Variants in LRMDA observed in about 807,000 individuals in gnomAD.
The protein encoded by LRMDA is leucine-rich melanocyte differentiation-associated protein.
In LRMDA, 18 loss-of-function variants were observed where a neutral mutation model predicts 29.8. The ratio of observed to expected loss-of-function variants is 0.60; its 90% CI spans 0.42 to 0.90. The LOEUF is 0.90. Ranked by LOEUF, LRMDA falls within the 40% of genes least tolerant of loss-of-function variation. LRMDA has a pLI of 0.00. For missense variants in LRMDA, 273 were observed against 273.9 expected (o/e 1.00, Z 0.02); for synonymous variants, 125 against 109.4 (o/e 1.14, Z -0.89).
intron 2 of LRMDA, among the ~76,000 whole-genome samples, chr10:75,632,857 C>A (rs766153025): frequency 6.6e-4 from 95 of 143,068 alleles, no homozygotes; most frequent in Non-Finnish European, 1.2e-3. Context: ...CCACGTCTGC[C>A]CCAAGATGTC....
rs971541808 is a variant in LRMDA, at chr10:76,558,525, A to C, written c.*1237A>C. 34 of 152,218 alleles carry C rather than the reference A, an allele frequency of 2.2e-4. No individual in the cohort carries two copies. The highest frequency in any genetic ancestry group is 2.1e-3 in the Admixed American group (32 of 15,282). The allele number at this position is 152,218 out of a possible 1,614,324, so 9.4% of individuals were successfully genotyped here. On this transcript the variant is annotated 3_prime_UTR_variant, in exon 7 of 7. Coordinates refer to ENST00000611255, the MANE Select transcript of LRMDA (RefSeq NM_001305581.2). ...TGCACCAGTCAAATCACTCTAGAAG[A>C]TGTTCAAAAGGTTGATTGATTGTTC... is the stretch of plus-strand genomic sequence containing the variant.
At chr10:75,889,466 T>C (rs877531) in intron 2 of LRMDA, among the ~76,000 whole-genome samples, 41,691 of 152,106 alleles carry the variant, frequency 0.27, 6,962 homozygotes, top group African/African-American at 0.47. Context: ...CTTGCTTTCT[T>C]CTGGTGTTAG....
At chr10:75,673,675 G>C (rs958467181) in intron 2 of LRMDA, among the ~76,000 whole-genome samples, 1 of 152,160 alleles carries the variant, frequency 6.6e-6, no homozygotes, top group Non-Finnish European at 1.5e-5. Flanking sequence ...TCACAAAAGG[G>C]TAACAAATTG....
At chr10:76,035,901 A>C (rs2132506681) in intron 2 of LRMDA, 107 bp from the exon 3 acceptor site, 16 of 1,154,540 alleles carry the variant, frequency 1.4e-5, no homozygotes, top group South Asian at 3.4e-5. Context: ...CACCAAGCCC[A>C]AACTATTCCC....
At chr10:76,189,304 C>T (rs999770777) in intron 5 of LRMDA, among the ~76,000 whole-genome samples, 1 of 152,028 alleles carries the variant, frequency 6.6e-6, no homozygotes, top group Admixed American at 6.6e-5. Context: ...TTTCAGTGAG[C>T]TAAGATTGTG....
At chr10:75,572,711 A>G (rs1589189623) in intron 2 of LRMDA, among the ~76,000 whole-genome samples, 1 of 152,294 alleles carries the variant, frequency 6.6e-6, no homozygotes, top group East Asian at 1.9e-4. Flanking sequence ...TTCTCTGAAC[A>G]CTTTGAAGAT....
At chr10:76,347,267 T>A (rs184889279) in intron 6 of LRMDA, among the ~76,000 whole-genome samples, 102 of 152,322 alleles carry the variant, frequency 6.7e-4, no homozygotes, top group African/African-American at 2.3e-3. Context: ...ATCCTAAAAA[T>A]ATTGCTTAAA....
chr10:75,996,357 T>C (rs1016003074), intron 2 of LRMDA, among the ~76,000 whole-genome samples: 10 of 152,208 alleles, frequency 6.6e-5, no homozygotes, highest in African/African-American at 2.4e-4. Context: ...TCGTTGCTTT[T>C]GGTGAGGAGG....
intron 2 of LRMDA, among the ~76,000 whole-genome samples, chr10:75,475,642 T>G (rs1844782042): frequency 6.6e-6 from 1 of 152,218 alleles, no homozygotes. Flanking sequence ...TAAACCTTTC[T>G]CCTATAATAG....
intron 6 of LRMDA, among the ~76,000 whole-genome samples, chr10:76,426,650 TG>T (rs1364596369): frequency 1.3e-5 from 2 of 152,234 alleles, no homozygotes; most frequent in African/African-American, 2.4e-5. Context: ...CCATTGCTTT[TG>T]GTGTTTTAGA....
At chr10:75,810,693 G>A (rs868238304) in intron 2 of LRMDA, among the ~76,000 whole-genome samples, 2 of 152,208 alleles carry the variant, frequency 1.3e-5, no homozygotes, top group Middle Eastern at 3.2e-3. Flanking sequence ...GGTGGTGGCA[G>A]CTATGAGAGA....
chr10:76,117,058 T>C (rs1004447309), intron 5 of LRMDA, among the ~76,000 whole-genome samples: 3 of 152,122 alleles, frequency 2.0e-5, no homozygotes, highest in African/African-American at 7.2e-5. Flanking sequence ...ATCTGCTTGA[T>C]CTCTAATGCA....
chr10:76,112,983 CAG>C (rs1349614749), intron 5 of LRMDA, among the ~76,000 whole-genome samples: 1 of 152,214 alleles, frequency 6.6e-6, no homozygotes, highest in Non-Finnish European at 1.5e-5. Flanking sequence ...TAAGTCTTCA[CAG>C]AACACTGGTA....
chr10:75,620,467 A>G (rs750213266), intron 2 of LRMDA, among the ~76,000 whole-genome samples: 49 of 152,164 alleles, frequency 3.2e-4, no homozygotes, highest in Non-Finnish European at 5.3e-4. Context: ...CTTCTACAGC[A>G]GTCATTTTAG....
At chr10:75,551,044 T>C (rs1840136435) in intron 2 of LRMDA, among the ~76,000 whole-genome samples, 1 of 152,020 alleles carries the variant, frequency 6.6e-6, no homozygotes, top group Non-Finnish European at 1.5e-5. Context: ...AATTATCTTT[T>C]TTTTTTAACC....
chr10:75,691,130 A>C lies in LRMDA; in HGVS notation c.131+252636A>C, dbSNP rs538495494. The stretch of plus-strand genomic sequence containing the variant: ...TAGATCTATATATCTATATACATAG[A>C]TATATAGATCTATATATCTATATAC... On this transcript the variant is annotated intron_variant, in intron 2 of 6. Coordinates refer to ENST00000611255, the MANE Select transcript of LRMDA (RefSeq NM_001305581.2). Among the ~76,000 whole-genome samples, 31 of 102,954 alleles carry C rather than the reference A, an allele frequency of 3.0e-4. No homozygotes were observed. In the East Asian group the frequency reaches 4.7e-3, roughly 16 times the overall value. 67.5% of individuals were successfully genotyped at this position (102,954 alleles called of 152,430 possible).
chr10:76,313,250 T>G (rs887630827), intron 5 of LRMDA, among the ~76,000 whole-genome samples: 2 of 152,222 alleles, frequency 1.3e-5, no homozygotes, highest in African/African-American at 4.8e-5. Flanking sequence ...TTGTGAAGAT[T>G]GAATAAATCA....
intron 2 of LRMDA, among the ~76,000 whole-genome samples, chr10:75,735,704 C>G (rs962601514): frequency 6.6e-6 from 1 of 152,172 alleles, no homozygotes. Flanking sequence ...TGTTCCCACT[C>G]AAGCCTTGGG....
At chr10:76,403,136 A>ATAG (rs1841866854) in intron 6 of LRMDA, 1 of 151,610 alleles carries the variant, frequency 6.6e-6, no homozygotes, top group Non-Finnish European at 1.5e-5. Flanking sequence ...AATCTCTCCT[A>ATAG]TAGTCTCCTG....
Sources: allele counts gnomAD v4.1 joint callset (sites outside exome capture counted in the v4.1 genomes callset), GRCh38; gene constraint gnomAD v4.1.1; transcripts MANE v1.5; gene names NCBI Gene and HGNC (gene_info 2026-07-23, HGNC 2026-07-21).